Variants in RORA observed in about 807,000 individuals in gnomAD.
RORA encodes the protein nuclear receptor ROR-alpha.
Under a neutral mutation model 69.5 loss-of-function variants are expected in RORA, and 7 were observed. That is an observed-to-expected ratio of 0.10 (90% CI 0.06 to 0.19). The LOEUF (loss-of-function observed/expected upper bound fraction) is 0.19. Ranked by LOEUF, RORA falls within the 10% of genes least tolerant of loss-of-function variation. The pLI, the probability that RORA is intolerant of heterozygous loss-of-function variation, is 1.00. For missense variants in RORA, 457 were observed against 663.0 expected (o/e 0.69, Z 3.41); for synonymous variants, 261 against 240.8 (o/e 1.08, Z -0.78).
At chr15:60,535,893 G>GTCA (rs1205539171) in intron 2 of RORA, among the ~76,000 whole-genome samples, 1 of 152,084 alleles carries the variant, frequency 6.6e-6, no homozygotes, top group African/African-American at 2.4e-5. Flanking sequence ...TGTCATCATT[G>GTCA]TCATCATCAT....
chr15:61,011,502 A>G (rs1425575165), intron 1 of RORA, among the ~76,000 whole-genome samples: 1 of 152,196 alleles, frequency 6.6e-6, no homozygotes, highest in Non-Finnish European at 1.5e-5. Context: ...AAAACAAAAC[A>G]AAACAACAAC....
intron 1 of RORA, among the ~76,000 whole-genome samples, chr15:60,773,346 T>G (rs532995130): frequency 6.6e-6 from 1 of 152,330 alleles, no homozygotes; most frequent in East Asian, 1.9e-4. Context: ...TCTACATGGA[T>G]GTACATATTT....
intron 1 of RORA, among the ~76,000 whole-genome samples, chr15:60,871,938 G>T (rs2073560965): frequency 6.6e-6 from 1 of 152,210 alleles, no homozygotes; most frequent in Non-Finnish European, 1.5e-5. Context: ...AACGTTGGGA[G>T]ACACTGGGTA....
chr15:60,708,113 C>A (rs1449926632), intron 1 of RORA, among the ~76,000 whole-genome samples: 1 of 152,148 alleles, frequency 6.6e-6, no homozygotes, highest in African/African-American at 2.4e-5. Flanking sequence ...TCTGTTAGGT[C>A]CTTTGAACCG....
chr15:61,086,318 T>C (rs760566177), intron 1 of RORA, among the ~76,000 whole-genome samples: 9 of 152,242 alleles, frequency 5.9e-5, no homozygotes, highest in Non-Finnish European at 1.2e-4. Flanking sequence ...ATTCTGGTTC[T>C]AAGCTCCTGC....
At chr15:61,095,015 G>A (rs1227226623) in intron 1 of RORA, among the ~76,000 whole-genome samples, 5 of 152,234 alleles carry the variant, frequency 3.3e-5, no homozygotes, top group African/African-American at 1.2e-4. Flanking sequence ...TTTCTTCAGT[G>A]TTCAGGACAG....
At chr15:61,053,147 C>G (rs1332333316) in intron 1 of RORA, among the ~76,000 whole-genome samples, 3 of 152,202 alleles carry the variant, frequency 2.0e-5, no homozygotes, top group Non-Finnish European at 2.9e-5. Flanking sequence ...TACTCAATCA[C>G]TTGGTCCTGA....
intron 2 of RORA, among the ~76,000 whole-genome samples, chr15:60,614,638 C>A (rs2069182885): frequency 6.6e-6 from 1 of 152,072 alleles, no homozygotes. Context: ...GAGGGGGCAG[C>A]ATGGCACAGG....
intron 1 of RORA, among the ~76,000 whole-genome samples, chr15:60,926,806 C>T (rs770784215): frequency 3.3e-5 from 5 of 152,178 alleles, no homozygotes; most frequent in Non-Finnish European, 7.3e-5. Flanking sequence ...TGTCCACAAG[C>T]TACTATATCA....
At chr15:60,902,297 A>AC (rs1353400251) in intron 1 of RORA, among the ~76,000 whole-genome samples, 1 of 151,666 alleles carries the variant, frequency 6.6e-6, no homozygotes, top group African/African-American at 2.4e-5. Flanking sequence ...TTTTTTTAAA[A>AC]AACAGAGAGT....
rs143782839 is a variant in RORA at position 60,849,523 on chromosome 15, C to T, written c.167-170837G>A. Among the ~76,000 whole-genome samples, 249 of 152,290 alleles carry T rather than the reference C, an allele frequency of 1.6e-3. 2 individuals carry two copies. Among genetic ancestry groups the T allele is most frequent in the African/African-American group, 5.8e-3 (240 of 41,548 alleles). On this transcript the variant is annotated intron_variant, in intron 1 of 10. Transcript: ENST00000335670. ...AACTTGATGATCCTCCTACAGTCTC[C>T]ACTGAGAGACAAGCATGGGCACATC...
intron 6 of RORA, among the ~76,000 whole-genome samples, chr15:60,505,078 A>AT (rs1229208400): frequency 3.9e-5 from 6 of 152,102 alleles, no homozygotes; most frequent in Non-Finnish European, 8.8e-5. Flanking sequence ...CAGCTTCTAA[A>AT]TTTTTTTTGT....
rs117578604 is a variant in RORA, at chr15:60,673,100, G to A, written c.196+5557C>T. ...ACCATCTCAACACACCCTTTGGAAC[G>A]TATGTTATGAAGTGGGAATACAAAT... is the stretch of plus-strand genomic sequence containing the variant. On this transcript the variant is annotated intron_variant, in intron 2 of 10. Transcript: ENST00000335670. 5.9e-5 allele frequency among the ~76,000 whole-genome samples: 9 copies of A among 152,284 alleles called. No individual in the cohort carries two copies. In the East Asian group the frequency reaches 1.2e-3, roughly 20 times the overall value.
chr15:60,628,549 A>G (rs974130751), intron 2 of RORA, among the ~76,000 whole-genome samples: 2 of 152,190 alleles, frequency 1.3e-5, no homozygotes, highest in African/African-American at 4.8e-5. Context: ...ATTTTTTTAA[A>G]TACAGACAGG....
chr15:61,186,184 A>T (rs1032986375), intron 1 of RORA, among the ~76,000 whole-genome samples: 3 of 152,228 alleles, frequency 2.0e-5, no homozygotes, highest in Non-Finnish European at 4.4e-5. Flanking sequence ...TGATTAGACT[A>T]CAATTTCTTC....
intron 2 of RORA, among the ~76,000 whole-genome samples, chr15:60,543,170 CTTTTTTTTTTTTTTTTTTTTTT>C (rs200401959): frequency 0.096 from 11,968 of 125,022 alleles, 763 homozygotes; most frequent in Middle Eastern, 0.2. Context: ...AAAGTGAAAA[CTTTTTTTTTTTTTTTTTTTTTT>C]TTTTTTTTTT....
chr15:60,609,634 C>T (rs541210387), intron 2 of RORA, among the ~76,000 whole-genome samples: 16 of 152,218 alleles, frequency 1.1e-4, no homozygotes, highest in African/African-American at 3.1e-4. Context: ...TAACAGAAGC[C>T]GCCGCATCTC....
At chr15:61,135,918 T>C in intron 1 of RORA, among the ~76,000 whole-genome samples, 1 of 152,196 alleles carries the variant, frequency 6.6e-6, no homozygotes, top group East Asian at 1.9e-4. Context: ...CATAGCTGTA[T>C]ATAGGCTAAG....
intron 1 of RORA, among the ~76,000 whole-genome samples, chr15:61,029,025 C>A (rs900198523): frequency 2.0e-5 from 3 of 151,720 alleles, no homozygotes; most frequent in Admixed American, 6.6e-5. Context: ...TGAATATATT[C>A]TGAAATAAGA....
Sources: allele counts gnomAD v4.1 joint callset (sites outside exome capture counted in the v4.1 genomes callset), GRCh38; gene constraint gnomAD v4.1.1; transcripts MANE v1.5; gene names NCBI Gene and HGNC (gene_info 2026-07-23, HGNC 2026-07-21).